CLCN6: variants seen among roughly 807,000 people sequenced by gnomAD.
The protein encoded by CLCN6 is Cl-/H+ antiporter 6, also known as H(+)/Cl(-) exchange transporter 6.
In CLCN6, 70 loss-of-function variants were observed where a neutral mutation model predicts 109.8. The observed-to-expected ratio is 0.64, with a 90% CI of 0.53 to 0.78. CLCN6 has a LOEUF of 0.78. Among genes scored for constraint, CLCN6 ranks in the 30% least tolerant of loss-of-function variants. The pLI is 0.00. For missense variants in CLCN6, 984 were observed against 1,142.3 expected (o/e 0.86, Z 2.00); for synonymous variants, 444 against 447.8 (o/e 0.99, Z 0.11).
chr1:11,814,225 C>G (rs1203423525), intron 2 of CLCN6, among the ~76,000 whole-genome samples: 2 of 146,034 alleles, frequency 1.4e-5, no homozygotes, highest in African/African-American at 2.5e-5. Flanking sequence ...CATTATTTTT[C>G]TTTGTTGCCA....
At chr1:11,807,251 C>A in intron 2 of CLCN6, 61 bp downstream of exon 2, 2 of 1,451,350 alleles carry the variant, frequency 1.4e-6, no homozygotes, top group Non-Finnish European at 1.9e-6. Context: ...CACTTCAGGC[C>A]GAAGCATTAT....
intron 2 of CLCN6, 137 bp downstream of exon 2, chr1:11,807,327 C>G: frequency 1.4e-6 from 1 of 714,988 alleles, no homozygotes; most frequent in Non-Finnish European, 2.4e-6. Flanking sequence ...GAACTTCCTT[C>G]TAGGAAAGAG....
intron 22 of CLCN6, 54 bp downstream of exon 22, chr1:11,838,714 G>T: frequency 6.2e-7 from 1 of 1,613,362 alleles, no homozygotes; most frequent in Non-Finnish European, 8.5e-7. Flanking sequence ...CCCTAGCCAG[G>T]TGCTGTTTGT....
Position 11,829,242 on chromosome 1 carries a change from T to A in CLCN6, c.1168T>A (p.Phe390Ile), listed in dbSNP as rs773641061. 2 of 1,614,088 alleles carry A rather than the reference T, an allele frequency of 1.2e-6. No homozygotes were observed. The highest frequency in any genetic ancestry group is 3.3e-5 in the Admixed American group (2 of 60,010). The change falls in exon 13 of 23, where the codon TTT becomes ATT. Residue 390 changes from phenylalanine (F) to isoleucine (I), a missense_variant. Physicochemically the swap from Phe to Ile is conservative, Grantham distance 21. Coordinates refer to ENST00000346436, the MANE Select transcript of CLCN6 (RefSeq NM_001286.5). ...GTCTCTGGTAACCACCGTGGTGGTGTTTGTGGCCTCGATGGTGTTAGGAGA... is the reference window on the plus strand; with the variant it reads ...GTCTCTGGTAACCACCGTGGTGGTGATTGTGGCCTCGATGGTGTTAGGAGA... ...LVSLVTTVVV[F>I]VASMVLGECR...
Position 11,836,687 on chromosome 1 carries a change from C to T in CLCN6, c.1981-312C>T, listed in dbSNP as rs186362621. ...GTTGCCTCACTTGGGTCATGTGCCA[C>T]TCCTTGGCTTTGGGGGCAGGCACGT... is the stretch of plus-strand genomic sequence containing the variant. On this transcript the variant is annotated intron_variant, in intron 18 of 22. Transcript: ENST00000346436. Among the ~76,000 whole-genome samples the T allele has an allele frequency of 4.0e-3, 616 of 152,294 alleles. 5 individuals carry two copies. The highest frequency in any genetic ancestry group is 0.014 in the African/African-American group (595 of 41,550).
At chr1:11,833,839 A>G (rs757879616) in intron 14 of CLCN6, 38 bp from the exon 15 acceptor site, 18 of 1,591,526 alleles carry the variant, frequency 1.1e-5, no homozygotes, top group Middle Eastern at 3.4e-4. Context: ...CTTGGCAGGC[A>G]TCCGGTAGTG....
At chr1:11,820,298 A>G in intron 5 of CLCN6, 1 of 696,360 alleles carries the variant, frequency 1.4e-6, no homozygotes, top group Non-Finnish European at 2.7e-6. Context: ...AAAAAAAATG[A>G]TGCTGGGACA....
chr1:11,833,093 G>A (rs895454546), intron 13 of CLCN6, among the ~76,000 whole-genome samples: 2 of 151,434 alleles, frequency 1.3e-5, no homozygotes, highest in South Asian at 2.1e-4. Flanking sequence ...TGGGGCTTTC[G>A]GTCAAGTGGT....
At chr1:11,829,955 C>G (rs540931748) in intron 13 of CLCN6, 32 of 152,964 alleles carry the variant, frequency 2.1e-4, no homozygotes, top group African/African-American at 7.5e-4. Flanking sequence ...CTCATGGCCT[C>G]TGTGACTATG....
At position 11,838,551 on chromosome 1, in the gene CLCN6, T is replaced by C; in HGVS notation, c.2420T>C (p.Met807Thr). 1 of 1,610,898 alleles carries C rather than the reference T, an allele frequency of 6.2e-7. No individual in the cohort carries two copies. The highest frequency in any genetic ancestry group is 2.2e-5 in the East Asian group (1 of 44,772). ...TCTTTGCAGGATGTCACCCCATACATGAACCCTTCGCCTTTCACCGTCTCG... is the reference window on the plus strand; with the variant it reads ...TCTTTGCAGGATGTCACCCCATACACGAACCCTTCGCCTTTCACCGTCTCG... ...PRMIVDVTPY[M>T]NPSPFTVSPN... The change falls in exon 22 of 23, where the codon ATG becomes ACG. Residue 807 changes from methionine (M) to threonine (T), a missense_variant. By Grantham distance (81) the Met-to-Thr change is moderately conservative (BLOSUM62 -1). Coordinates refer to ENST00000346436, the MANE Select transcript of CLCN6 (RefSeq NM_001286.5).
intron 9 of CLCN6, among the ~76,000 whole-genome samples, chr1:11,826,501 A>G (rs1207394518): frequency 6.6e-6 from 1 of 152,238 alleles, no homozygotes; most frequent in East Asian, 1.9e-4. Context: ...GCATATTCTT[A>G]GGAAGGCGTT....
chr1:11,829,508 C>G (rs1197586161), intron 13 of CLCN6, among the ~76,000 whole-genome samples, 186 bp downstream of exon 13: 1 of 152,176 alleles, frequency 6.6e-6, no homozygotes. Flanking sequence ...CACCACATGC[C>G]CTGTGTCTTT....
Position 11,824,620 on chromosome 1 carries a change from A to G in CLCN6, c.648+67A>G, listed in dbSNP as rs113220356. On this transcript the variant is annotated intron_variant, in intron 8 of 22. Transcript: ENST00000346436. ...GTGGGAGGTCTGGTTACACTGGGCCAAATCCATTGGGACACCCTGACATCA... is the reference window on the plus strand; with the variant it reads ...GTGGGAGGTCTGGTTACACTGGGCCGAATCCATTGGGACACCCTGACATCA... The G allele has an allele frequency of 6.1e-4, 814 of 1,333,618 alleles. 3 individuals carry two copies. In the African/African-American group the frequency reaches 9.2e-3, roughly 15 times the overall value. The allele number at this position is 1,333,618 out of a possible 1,614,324, so 82.6% of individuals were successfully genotyped here.
chr1:11,836,217 A>C lies in CLCN6; in HGVS notation c.1980+64A>C, dbSNP rs541782828. ...CAAGCGGTCCCGTCTCACACGGCTT[A>C]GTGCTTTGCCCACCCCTGGCTGGGG... On this transcript the variant is annotated intron_variant, in intron 18 of 22. Coordinates refer to ENST00000346436, the MANE Select transcript of CLCN6 (RefSeq NM_001286.5). 14 of 1,485,042 alleles carry C rather than the reference A, an allele frequency of 9.4e-6. No individual in the cohort carries two copies. The African/African-American group carries it at 1.8e-4, about 19-fold the overall frequency. 92.0% of individuals were successfully genotyped at this position (1,485,042 alleles called of 1,614,324 possible).
At chr1:11,837,238 C>A in intron 19 of CLCN6, 82 bp downstream of exon 19, 1 of 1,587,486 alleles carries the variant, frequency 6.3e-7, no homozygotes, top group Non-Finnish European at 8.6e-7. Flanking sequence ...TGTGAGGTGG[C>A]TCCTGAGTTT....
intron 2 of CLCN6, among the ~76,000 whole-genome samples, chr1:11,811,684 T>G (rs1218679533): frequency 6.6e-6 from 1 of 152,198 alleles, no homozygotes; most frequent in African/African-American, 2.4e-5. Context: ...GCCCAGCTAA[T>G]TCCTACAGTC....
At chr1:11,824,841 A>G (rs1644791862) in intron 8 of CLCN6, among the ~76,000 whole-genome samples, 1 of 152,218 alleles carries the variant, frequency 6.6e-6, no homozygotes, top group Non-Finnish European at 1.5e-5. Context: ...GCGCCTCTAT[A>G]TAGGGTGGCT....
intron 2 of CLCN6, among the ~76,000 whole-genome samples, chr1:11,812,664 TTGTGTG>T (rs61487985): frequency 0.051 from 6,426 of 126,908 alleles, 188 homozygotes; most frequent in Middle Eastern, 0.09. Flanking sequence ...CAAAGTATGT[TTGTGTG>T]TGTGTGTGTG....
At chr1:11,826,032 A>G (rs1644806487) in intron 8 of CLCN6, 124 bp from the exon 9 acceptor site, 4 of 676,276 alleles carry the variant, frequency 5.9e-6, no homozygotes, top group Non-Finnish European at 7.6e-6. Context: ...GTGGATTCCC[A>G]TAGTTTCAGT....
Sources: allele counts gnomAD v4.1 joint callset (sites outside exome capture counted in the v4.1 genomes callset), GRCh38; gene constraint gnomAD v4.1.1; transcripts MANE v1.5; gene names NCBI Gene and HGNC (gene_info 2026-07-23, HGNC 2026-07-21).